PPM1E: variants seen among roughly 807,000 people sequenced by gnomAD.
PPM1E encodes protein phosphatase, Mg2+/Mn2+ dependent 1E.
In PPM1E, 20 loss-of-function variants were observed where a neutral mutation model predicts 65.9. That is an observed-to-expected ratio of 0.30 (90% confidence interval 0.21 to 0.44). The LOEUF is 0.44. Among genes scored for constraint, PPM1E ranks in the 20% least tolerant of loss-of-function variants. The pLI is 1.00. For missense variants in PPM1E, 713 were observed against 953.1 expected (o/e 0.75, Z 3.32); for synonymous variants, 352 against 374.9 (o/e 0.94, Z 0.70).
intron 1 of PPM1E, among the ~76,000 whole-genome samples, chr17:58,901,635 G>A (rs372355961): frequency 5.5e-4 from 83 of 151,346 alleles, no homozygotes; most frequent in Non-Finnish European, 9.3e-4. Flanking sequence ...AGATTGCCCC[G>A]CTGCACTCCA....
chr17:58,879,191 GT>G (rs974279596), intron 1 of PPM1E, among the ~76,000 whole-genome samples: 14 of 151,566 alleles, frequency 9.2e-5, no homozygotes, highest in African/African-American at 3.1e-4. Context: ...ACATCACAGC[GT>G]TTTTTCACAG....
At chr17:58,840,093 G>A (rs137898008) in intron 1 of PPM1E, among the ~76,000 whole-genome samples, 3 of 152,330 alleles carry the variant, frequency 2.0e-5, no homozygotes, top group Admixed American at 2.0e-4. Context: ...AAGCACATGG[G>A]ACAGAGTACA....
chr17:58,979,717 G>A (rs1467363527), intron 6 of PPM1E, among the ~76,000 whole-genome samples: 1 of 152,202 alleles, frequency 6.6e-6, no homozygotes, highest in Non-Finnish European at 1.5e-5. Flanking sequence ...ATAGCCAGAG[G>A]TGCAGATTCA....
rs1598721890 is a variant in PPM1E, at chr17:58,981,657, T to C, written c.*626T>C. 6.5e-6 allele frequency: 1 copy of C among 152,790 alleles called. No individual in the cohort carries two copies. Among genetic ancestry groups the C allele is most frequent in the Admixed American group, 6.5e-5 (1 of 15,296 alleles). 9.5% of individuals were successfully genotyped at this position (152,790 alleles called of 1,614,324 possible). ...TAGTCAGAAAGATTTACGGATTTTTTTCCTGTAACATAAAAGATTGTGAAC... is the reference window on the plus strand; with the variant it reads ...TAGTCAGAAAGATTTACGGATTTTTCTCCTGTAACATAAAAGATTGTGAAC... On this transcript the variant is annotated 3_prime_UTR_variant, in exon 7 of 7. Transcript: ENST00000308249.
intron 1 of PPM1E, among the ~76,000 whole-genome samples, chr17:58,881,004 T>C (rs183086756): frequency 1.3e-5 from 2 of 152,334 alleles, no homozygotes; most frequent in East Asian, 3.9e-4. Context: ...GGTAACTTTG[T>C]CTACTCAGCA....
At chr17:58,846,369 A>G (rs2050771400) in intron 1 of PPM1E, among the ~76,000 whole-genome samples, 1 of 152,158 alleles carries the variant, frequency 6.6e-6, no homozygotes, top group African/African-American at 2.4e-5. Flanking sequence ...TGCTGCACCC[A>G]TTAACTCGTC....
chr17:58,938,127 G>A (rs1226775663), intron 1 of PPM1E, among the ~76,000 whole-genome samples: 1 of 152,092 alleles, frequency 6.6e-6, no homozygotes, highest in Non-Finnish European at 1.5e-5. Context: ...TCTGAAGTGT[G>A]TTTACACTTT....
rs1567838903 is a variant in PPM1E, at chr17:58,805,982, AAAC to A, written c.464+49524_464+49526del. Among the ~76,000 whole-genome samples, 260 of 100,398 alleles carry A rather than the reference AAAC, an allele frequency of 2.6e-3. 2 individuals carry two copies. Among genetic ancestry groups the A allele is most frequent in the Non-Finnish European group, 3.8e-3 (190 of 50,420 alleles). The allele number at this position is 100,398 out of a possible 152,430, so 65.9% of individuals were successfully genotyped here. ...AAAACAAAAAAAAAAAACAAAAAAAAAACAAAACAAAACAAAACAAAAAAAAAA... is the reference window on the plus strand; with the variant it reads ...AAAACAAAAAAAAAAAACAAAAAAAAAAAACAAAACAAAACAAAAAAAAAA... On this transcript the variant is annotated intron_variant, in intron 1 of 6. Transcript: ENST00000308249.
intron 1 of PPM1E, among the ~76,000 whole-genome samples, chr17:58,884,368 T>C (rs1433167427): frequency 6.6e-6 from 1 of 152,174 alleles, no homozygotes; most frequent in Non-Finnish European, 1.5e-5. Flanking sequence ...TCATTCAGCT[T>C]TCCTCACTGC....
intron 1 of PPM1E, among the ~76,000 whole-genome samples, chr17:58,758,494 C>CTCCA (rs2049791320): frequency 6.7e-6 from 1 of 150,024 alleles, no homozygotes; most frequent in Non-Finnish European, 1.5e-5. Flanking sequence ...TGCCAGTGCA[C>CTCCA]TCCAGCCTGG....
At chr17:58,858,576 C>T (rs1439668583) in intron 1 of PPM1E, among the ~76,000 whole-genome samples, 1 of 151,148 alleles carries the variant, frequency 6.6e-6, no homozygotes, top group Non-Finnish European at 1.5e-5. Context: ...GTTTAACTTT[C>T]TGTTCCTGGC....
chr17:58,893,550 A>G (rs1011836851), intron 1 of PPM1E, among the ~76,000 whole-genome samples: 15 of 152,216 alleles, frequency 9.9e-5, no homozygotes, highest in African/African-American at 3.6e-4. Flanking sequence ...TACATTTATC[A>G]AAACCCACAG....
chr17:58,948,014 T>G (rs1598669701), intron 1 of PPM1E, among the ~76,000 whole-genome samples: 2 of 152,282 alleles, frequency 1.3e-5, no homozygotes, highest in East Asian at 3.9e-4. Flanking sequence ...CTTGATGGCT[T>G]GGCTGAGTAT....
chr17:58,860,850 T>C (rs2050931471), intron 1 of PPM1E, among the ~76,000 whole-genome samples: 1 of 152,070 alleles, frequency 6.6e-6, no homozygotes, highest in African/African-American at 2.4e-5. Flanking sequence ...GGCAGGGGAA[T>C]TGCTTGAACC....
At chr17:58,853,046 G>C (rs1314495499) in intron 1 of PPM1E, among the ~76,000 whole-genome samples, 2 of 152,014 alleles carry the variant, frequency 1.3e-5, no homozygotes, top group Non-Finnish European at 2.9e-5. Flanking sequence ...CTCATTCTGT[G>C]GGTTGTCTTT....
intron 1 of PPM1E, among the ~76,000 whole-genome samples, chr17:58,887,681 A>G (rs2051292532): frequency 6.6e-6 from 1 of 152,222 alleles, no homozygotes; most frequent in South Asian, 2.1e-4. Context: ...GAGAGCTGGC[A>G]GTGTATTAGA....
At chr17:58,767,746 G>A (rs2049895399) in intron 1 of PPM1E, among the ~76,000 whole-genome samples, 1 of 152,102 alleles carries the variant, frequency 6.6e-6, no homozygotes, top group Non-Finnish European at 1.5e-5. Context: ...GGGTTCAAGT[G>A]ATTCTCCTGC....
At chr17:58,870,943 C>T (rs748499951) in intron 1 of PPM1E, among the ~76,000 whole-genome samples, 10 of 151,856 alleles carry the variant, frequency 6.6e-5, no homozygotes, top group Non-Finnish European at 1.5e-4. Context: ...AAGGTGTCAC[C>T]CTTGTGTTGG....
chr17:58,914,168 A>G (rs1035912925), intron 1 of PPM1E, among the ~76,000 whole-genome samples: 2 of 152,154 alleles, frequency 1.3e-5, no homozygotes, highest in African/African-American at 4.8e-5. Context: ...GGTAGTTTCA[A>G]TATTACCATC....
Sources: allele counts gnomAD v4.1 joint callset (sites outside exome capture counted in the v4.1 genomes callset), GRCh38; gene constraint gnomAD v4.1.1; transcripts MANE v1.5; gene names NCBI Gene and HGNC (gene_info 2026-07-23, HGNC 2026-07-21).